The following RNF150 variants were observed in gnomAD, a reference collection of about 807,000 sequenced individuals.
The protein encoded by RNF150 is ring finger protein 150.
RNF150 carries 24 observed loss-of-function variants against 39.3 expected under a neutral mutation model. The observed-to-expected ratio is 0.61, with a 90% CI of 0.44 to 0.86. The LOEUF (loss-of-function observed/expected upper bound fraction) is 0.86. Among genes scored for constraint, RNF150 ranks in the 40% least tolerant of loss-of-function variants. The probability of loss-of-function intolerance (pLI) is 0.00; values close to 1 mark genes in which losing one functional copy is unlikely to be tolerated. For synonymous variants in RNF150, 255 were observed against 227.3 expected, an observed-to-expected ratio of 1.12 and a Z score of -1.10; for missense variants, 502 against 587.8, an observed-to-expected ratio of 0.85 and a Z score of 1.51.
At chr4:140,895,506 G>T (rs564080469) in intron 6 of RNF150, among the ~76,000 whole-genome samples, 1 of 152,096 alleles carries the variant, frequency 6.6e-6, no homozygotes, top group East Asian at 1.9e-4. Context: ...TGTTCATCAA[G>T]ATAGGAAAAT....
At chr4:140,918,948 C>G (rs911668719) in intron 5 of RNF150, among the ~76,000 whole-genome samples, 32 of 152,226 alleles carry the variant, frequency 2.1e-4, no homozygotes, top group South Asian at 4.1e-4. Flanking sequence ...ATGATTATCT[C>G]AATAGATGCA....
At chr4:141,165,856 A>G (rs1459530704) in intron 1 of RNF150, among the ~76,000 whole-genome samples, 2 of 152,170 alleles carry the variant, frequency 1.3e-5, no homozygotes, top group Non-Finnish European at 2.9e-5. Flanking sequence ...GGAAAGATCT[A>G]AAATTGACAC....
chr4:140,991,374 G>T (rs1007837661), intron 1 of RNF150, among the ~76,000 whole-genome samples: 2 of 151,894 alleles, frequency 1.3e-5, no homozygotes, highest in Non-Finnish European at 2.9e-5. Flanking sequence ...GTCAATTTTT[G>T]CTTTTGTTGC....
chr4:140,910,644 A>C (rs1182782375), intron 6 of RNF150, among the ~76,000 whole-genome samples: 1 of 152,200 alleles, frequency 6.6e-6, no homozygotes, highest in African/African-American at 2.4e-5. Context: ...CAACAAGGAA[A>C]GCAGCCTCTT....
intron 1 of RNF150, among the ~76,000 whole-genome samples, chr4:141,169,737 G>A (rs1232432628): frequency 6.6e-6 from 1 of 151,738 alleles, no homozygotes. Flanking sequence ...TTTAGGTCTA[G>A]CCCTTGTTTT....
chr4:140,912,935 A>T (rs1730661549), intron 5 of RNF150, among the ~76,000 whole-genome samples: 1 of 145,380 alleles, frequency 6.9e-6, no homozygotes, highest in Non-Finnish European at 1.5e-5. Flanking sequence ...AGTGTATTTC[A>T]GTCTGCACTC....
intron 1 of RNF150, among the ~76,000 whole-genome samples, chr4:141,083,817 T>C (rs1019610710): frequency 2.0e-5 from 3 of 152,140 alleles, no homozygotes; most frequent in Non-Finnish European, 4.4e-5. Context: ...TGGGCATCTA[T>C]GGAAACTACA....
In RNF150 at chr4:141,132,887, G is replaced by C. The variant is rs1002915518; in HGVS notation, c.-79C>G. 21 of 1,250,066 alleles carry C rather than the reference G, an allele frequency of 1.7e-5. No individual in the cohort carries two copies. In the East Asian group the frequency reaches 3.1e-4, roughly 19 times the overall value. The allele number at this position is 1,250,066 out of a possible 1,614,324, so 77.4% of individuals were successfully genotyped here. A position where few individuals can be genotyped will look rare whatever the true frequency, so the allele number is the denominator to read the frequency against. ...CTCCTCCCCAGCCCCGGCCAACCCC[G>C]GGCCGCTGCCTCTCCTCCTGCTGCT... On this transcript the variant is annotated 5_prime_UTR_variant, in exon 1 of 7. Coordinates refer to ENST00000515673, the MANE Select transcript of RNF150 (RefSeq NM_020724.2). This position sits in a 1 kb window ranked among gnomAD's most constrained non-coding sequence, Gnocchi z 4.9.
At chr4:141,191,487 C>G (rs887481524) in intron 1 of RNF150, among the ~76,000 whole-genome samples, 1 of 152,148 alleles carries the variant, frequency 6.6e-6, no homozygotes. Flanking sequence ...TGGGATAACA[C>G]TTAGTATCTA....
At chr4:141,077,321 T>G (rs1266312920) in intron 1 of RNF150, among the ~76,000 whole-genome samples, 5 of 151,678 alleles carry the variant, frequency 3.3e-5, no homozygotes, top group Non-Finnish European at 7.4e-5. Context: ...TACTCCGGAG[T>G]GAACTGTTGA....
At chr4:140,956,470 A>C (rs1224337153) in intron 2 of RNF150, among the ~76,000 whole-genome samples, 1 of 152,190 alleles carries the variant, frequency 6.6e-6, no homozygotes, top group Non-Finnish European at 1.5e-5. Context: ...AAGAGGTCAC[A>C]AGATAGTAGG....
Position 141,026,240 on chromosome 4 carries a change from G to A in RNF150, c.485-58367C>T, listed in dbSNP as rs530327761. Among the ~76,000 whole-genome samples the A allele has an allele frequency of 2.2e-4, 34 of 152,258 alleles. 1 individual carries two copies. Among genetic ancestry groups the A allele is most frequent in the Non-Finnish European group, 8.8e-5 (6 of 68,014 alleles). On this transcript the variant is annotated intron_variant, in intron 1 of 6. Coordinates refer to ENST00000515673, the MANE Select transcript of RNF150 (RefSeq NM_020724.2). ...ATGTCAGCTACTGTACAAGACACAG[G>A]AATCCCCAGAATGAATAGATCAAGG...
intron 1 of RNF150, among the ~76,000 whole-genome samples, chr4:141,189,271 C>A (rs1728065268): frequency 6.6e-6 from 1 of 152,188 alleles, no homozygotes; most frequent in Non-Finnish European, 1.5e-5. Context: ...CCTCTGGAAG[C>A]TTCATCCCAG....
chr4:140,890,594 T>G (rs1370271772), intron 6 of RNF150, among the ~76,000 whole-genome samples: 4 of 152,178 alleles, frequency 2.6e-5, no homozygotes, highest in African/African-American at 9.7e-5. Context: ...TGGAGTTCAC[T>G]CTCTCATCTC....
intron 1 of RNF150, among the ~76,000 whole-genome samples, chr4:141,096,804 C>T (rs1738804238): frequency 6.6e-6 from 1 of 152,190 alleles, no homozygotes; most frequent in Non-Finnish European, 1.5e-5. Flanking sequence ...CCTCAAAGTC[C>T]TGCTTAAGCA....
At chr4:140,983,107 T>A (rs895558232) in intron 1 of RNF150, among the ~76,000 whole-genome samples, 3 of 152,156 alleles carry the variant, frequency 2.0e-5, no homozygotes, top group Admixed American at 2.0e-4. Flanking sequence ...CCTTTTTCAG[T>A]TCATTGTGAT....
rs529816201 is a variant in RNF150 at position 140,871,972 on chromosome 4, T to C, written c.1199-3593A>G. ...TACAAAAATGGTTCGGTTTTTATGA[T>C]ATAACATTGCACCAATATCATCTAA... On this transcript the variant is annotated intron_variant, in intron 6 of 6. Coordinates refer to ENST00000515673, the MANE Select transcript of RNF150 (RefSeq NM_020724.2). Among the ~76,000 whole-genome samples, 5 of 152,352 alleles carry C rather than the reference T, an allele frequency of 3.3e-5. No homozygotes were observed. The South Asian group carries it at 1.0e-3, about 32-fold the overall frequency.
intron 6 of RNF150, among the ~76,000 whole-genome samples, chr4:140,899,944 T>TTCTTTCTCTC (rs1730115203): frequency 3.6e-5 from 4 of 110,022 alleles, no homozygotes; most frequent in Non-Finnish European, 7.1e-5. Flanking sequence ...CTCTCTCACT[T>TTCTTTCTCTC]TCTCTCTCTC....
At chr4:141,022,469 T>A (rs1172500690) in intron 1 of RNF150, among the ~76,000 whole-genome samples, 1 of 152,188 alleles carries the variant, frequency 6.6e-6, no homozygotes, top group Non-Finnish European at 1.5e-5. Flanking sequence ...AGTAAGGTGA[T>A]GCCTTTGAAA....
Sources: gnomAD v4.1 joint callset for allele counts (sites outside exome capture counted in the v4.1 genomes callset) on GRCh38, gnomAD v4.1.1 for gene constraint, Gnocchi (gnomAD v3.1) non-coding constraint, MANE v1.5 for transcripts, NCBI Gene and HGNC (gene_info 2026-07-23, HGNC 2026-07-21) for gene names.